The following APP variants were observed in gnomAD, a reference collection of about 807,000 sequenced individuals.
APP encodes the protein amyloid beta precursor protein.
A neutral mutation model predicts 101.4 loss-of-function variants in APP; 31 were observed. That is an observed-to-expected ratio of 0.31 (90% CI 0.23 to 0.41). The LOEUF (loss-of-function observed/expected upper bound fraction) is 0.41. Ranked by LOEUF, APP falls within the 10% of genes least tolerant of loss-of-function variation. The pLI, the probability that APP is intolerant of heterozygous loss-of-function variation, is 1.00. For synonymous variants in APP, 366 were observed against 364.4 expected, an observed-to-expected ratio of 1.00 and a Z score of -0.05; for missense variants, 839 against 1,003.7, an observed-to-expected ratio of 0.84 and a Z score of 2.22.
chr21:26,030,948 C>T (rs2146820817), intron 5 of APP, among the ~76,000 whole-genome samples: 1 of 152,240 alleles, frequency 6.6e-6, no homozygotes, highest in East Asian at 1.9e-4. Context: ...AGACAAAATT[C>T]CCTGCCTTCC....
At chr21:26,079,134 G>A (rs1029085186) in intron 3 of APP, among the ~76,000 whole-genome samples, 1 of 151,810 alleles carries the variant, frequency 6.6e-6, no homozygotes, top group Non-Finnish European at 1.5e-5. Context: ...GGGTTCTGAA[G>A]ACAAAGGGGA....
At chr21:25,997,440 A>G in intron 7 of APP, 24 bp from the exon 8 acceptor site, 1 of 1,587,500 alleles carries the variant, frequency 6.3e-7, no homozygotes, top group Non-Finnish European at 8.7e-7. Flanking sequence ...AAGAGAACAT[A>G]ACTAAAAACA....
intron 11 of APP, among the ~76,000 whole-genome samples, chr21:25,970,698 C>A (rs1407145320): frequency 6.6e-6 from 1 of 152,120 alleles, no homozygotes; most frequent in East Asian, 1.9e-4. Flanking sequence ...GAGAAGGCAC[C>A]ACAGTGACTC....
At chr21:25,909,750 C>T (rs966041318) in intron 14 of APP, among the ~76,000 whole-genome samples, 10 of 152,194 alleles carry the variant, frequency 6.6e-5, no homozygotes, top group Non-Finnish European at 1.3e-4. Context: ...AGAGGACCTT[C>T]AATGACCAAA....
chr21:25,931,870 T>C (rs545280414), intron 13 of APP, among the ~76,000 whole-genome samples: 1 of 152,296 alleles, frequency 6.6e-6, no homozygotes, highest in African/African-American at 2.4e-5. Context: ...ACTTCTATGC[T>C]GAAACAGCCC....
chr21:26,165,207 A>T (rs1203278153), intron 1 of APP, among the ~76,000 whole-genome samples: 1 of 152,234 alleles, frequency 6.6e-6, no homozygotes, highest in Non-Finnish European at 1.5e-5. Context: ...TAGATTTTTA[A>T]CTTTCAACTA....
At chr21:26,033,087 T>A (rs374696330) in intron 5 of APP, among the ~76,000 whole-genome samples, 2 of 152,188 alleles carry the variant, frequency 1.3e-5, no homozygotes, top group East Asian at 3.9e-4. Context: ...AACAGGACAC[T>A]GTAGAAACAG....
intron 11 of APP, among the ~76,000 whole-genome samples, chr21:25,972,131 C>T (rs2051175): frequency 0.02 from 2,990 of 152,074 alleles, 92 homozygotes; most frequent in African/African-American, 0.069. Context: ...AACTGTATTC[C>T]ATAGGTTCAA....
At chr21:26,098,066 C>A (rs1195966572) in intron 2 of APP, among the ~76,000 whole-genome samples, 1 of 130,612 alleles carries the variant, frequency 7.7e-6, no homozygotes, top group African/African-American at 3.0e-5. Flanking sequence ...CGAGGCAGAG[C>A]CAGACTCTGT....
In APP at chr21:25,911,735, T is replaced by C. The variant is rs758246569; in HGVS notation, c.1909+6A>G. On this transcript the variant is annotated splice_donor_region_variant and intron_variant, in intron 14 of 17. Transcript: ENST00000346798. ...GAACGCCCTTGCTGGCTCAGGGGAC[T>C]CTTACCTTCGTTTTCTGTGTTGGCT... is the stretch of plus-strand genomic sequence containing the variant. The C allele has an allele frequency of 6.2e-7, 1 of 1,613,956 alleles. No homozygotes were observed.
chr21:26,052,247 C>T (rs1299352540), intron 4 of APP, among the ~76,000 whole-genome samples: 2 of 152,078 alleles, frequency 1.3e-5, no homozygotes, highest in Non-Finnish European at 1.5e-5. Context: ...TTGGGGGTGG[C>T]GGGTGGTTAT....
At chr21:25,982,500 G>A (rs200998643) in intron 8 of APP, 23 bp from the exon 9 acceptor site, 12 of 1,610,344 alleles carry the variant, frequency 7.5e-6, no homozygotes, top group Non-Finnish European at 1.0e-5. Flanking sequence ...AGAGAAGGAG[G>A]TTTGAGAAAA....
intron 1 of APP, among the ~76,000 whole-genome samples, chr21:26,133,239 G>GACAAA (rs999939751): frequency 2.6e-5 from 4 of 152,096 alleles, no homozygotes; most frequent in African/African-American, 7.2e-5. Flanking sequence ...ATCTCTCAAA[G>GACAAA]ACAAAACAAA....
chr21:26,157,230 C>T (rs915065749), intron 1 of APP, among the ~76,000 whole-genome samples: 60 of 152,140 alleles, frequency 3.9e-4, no homozygotes, highest in African/African-American at 1.3e-3. Flanking sequence ...CCACCACGCT[C>T]GGCTGATTTT....
At chr21:25,905,821 T>C (rs941367347) in intron 14 of APP, among the ~76,000 whole-genome samples, 1 of 152,238 alleles carries the variant, frequency 6.6e-6, no homozygotes, top group Non-Finnish European at 1.5e-5. Context: ...CTCACCATCA[T>C]CTGACCTTTC....
chr21:26,035,624 G>A (rs1011941646), intron 5 of APP, among the ~76,000 whole-genome samples: 5 of 152,264 alleles, frequency 3.3e-5, no homozygotes, highest in Middle Eastern at 6.8e-3. Context: ...GTTTTTAAGC[G>A]TATTGGTAAG....
chr21:26,019,962 C>T (rs748838719), intron 6 of APP, among the ~76,000 whole-genome samples: 7 of 152,192 alleles, frequency 4.6e-5, no homozygotes, highest in Non-Finnish European at 8.8e-5. Flanking sequence ...AGCACATTTA[C>T]TTATGTGCTA....
At chr21:25,964,382 T>G (rs778850052) in intron 11 of APP, among the ~76,000 whole-genome samples, 2 of 152,166 alleles carry the variant, frequency 1.3e-5, no homozygotes, top group Non-Finnish European at 2.9e-5. Context: ...GATTTTCTAA[T>G]TATGGCTAAC....
In APP at chr21:25,881,463, A is replaced by C; in HGVS notation, c.*207T>G. On this transcript the variant is annotated 3_prime_UTR_variant, in exon 18 of 18. Coordinates refer to ENST00000346798, the MANE Select transcript of APP (RefSeq NM_000484.4). ...TTAATAATGTAGTATAGAGACCAAA[A>C]TGTAAAGAGAGATAGAATACATTAC... The C allele has an allele frequency of 1.6e-6, 1 of 639,096 alleles. No homozygotes were observed. The highest frequency in any genetic ancestry group is 2.8e-6 in the Non-Finnish European group (1 of 360,736). 39.6% of individuals were successfully genotyped at this position (639,096 alleles called of 1,614,324 possible).
Sources: gnomAD v4.1 joint callset for allele counts (sites outside exome capture counted in the v4.1 genomes callset) on GRCh38, gnomAD v4.1.1 for gene constraint, MANE v1.5 for transcripts, NCBI Gene and HGNC (gene_info 2026-07-23, HGNC 2026-07-21) for gene names.